Variants in ADCY3 observed in about 807,000 individuals in gnomAD.
The protein encoded by ADCY3 is adenylate cyclase type 3.
A neutral mutation model predicts 119.4 loss-of-function variants in ADCY3; 70 were observed. The ratio of observed to expected loss-of-function variants is 0.59; its 90% CI spans 0.48 to 0.72. The LOEUF is 0.72. Among genes scored for constraint, ADCY3 ranks in the 30% least tolerant of loss-of-function variants. The pLI is 0.00. For synonymous variants in ADCY3, 672 were observed against 621.4 expected, an observed-to-expected ratio of 1.08 and a Z score of -1.21; for missense variants, 1,238 against 1,541.6, an observed-to-expected ratio of 0.80 and a Z score of 3.30.
intron 2 of ADCY3, among the ~76,000 whole-genome samples, chr2:24,875,364 C>A (rs1330815748): frequency 2.0e-5 from 3 of 152,244 alleles, no homozygotes; most frequent in Admixed American, 2.0e-4. Context: ...CACCCCACCC[C>A]CCGTGGGTGT....
chr2:24,841,155 C>T lies in ADCY3; in HGVS notation c.1196+104G>A. 5 of 1,302,988 alleles carry T rather than the reference C, an allele frequency of 3.8e-6. No individual in the cohort carries two copies. Among genetic ancestry groups the T allele is most frequent in the Non-Finnish European group, 5.1e-6 (5 of 977,756 alleles). 80.7% of individuals were successfully genotyped at this position (1,302,988 alleles called of 1,614,324 possible). The stretch of plus-strand genomic sequence containing the variant: ...GTCCCAGTCTCTGCTTCCAGCAGAT[C>T]CCCCACCCAGGGGCCATGGCCAGCG... On this transcript the variant is annotated intron_variant, in intron 6 of 21. Transcript: ENST00000679454. The surrounding 1 kb of genome is among the most constrained non-coding windows in gnomAD (Gnocchi z 5.8).
chr2:24,893,031 C>CTTTT (rs755410434), intron 2 of ADCY3, among the ~76,000 whole-genome samples: 2 of 122,896 alleles, frequency 1.6e-5, no homozygotes, highest in Non-Finnish European at 3.4e-5. Context: ...ATCTATGTGT[C>CTTTT]TTTTTTTTTT....
At position 24,842,166 on chromosome 2, in the gene ADCY3, G is replaced by A. The variant is rs1014158651; in HGVS notation, c.956+88C>T. On this transcript the variant is annotated intron_variant, in intron 4 of 21. Transcript: ENST00000679454. This position sits in a 1 kb window ranked among gnomAD's most constrained non-coding sequence, Gnocchi z 4.9. ...GCTTCTAGTCCCTGGAAAACCTCTT[G>A]AAGCCCACAGCACCTAGCGGGTCCC... 7.6e-6 allele frequency: 12 copies of A among 1,578,898 alleles called. No individual in the cohort carries two copies. Among genetic ancestry groups the A allele is most frequent in the South Asian group, 6.8e-5 (6 of 88,394 alleles).
chr2:24,843,774 A>G (rs1671335289), intron 3 of ADCY3, among the ~76,000 whole-genome samples: 1 of 152,230 alleles, frequency 6.6e-6, no homozygotes, highest in South Asian at 2.1e-4. Flanking sequence ...CAGGAGAGGC[A>G]GTGGGCTGAA....
Position 24,834,417 on chromosome 2 carries a change from GCCCCC to G in ADCY3, c.1967+63_1967+67del. ...ATGTCAGGCTCCCGCTGAGACACCT[GCCCCC>G]GCCCCCCGCCCGGCACCACCGCAGC... On this transcript the variant is annotated intron_variant, in intron 11 of 21. Transcript: ENST00000679454. The surrounding 1 kb of genome is among the most constrained non-coding windows in gnomAD (Gnocchi z 4.2). The G allele has an allele frequency of 1.4e-6, 2 of 1,395,354 alleles. No individual in the cohort carries two copies. The highest frequency in any genetic ancestry group is 1.9e-6 in the Non-Finnish European group (2 of 1,029,076). The allele number at this position is 1,395,354 out of a possible 1,614,324, so 86.4% of individuals were successfully genotyped here. A position where few individuals can be genotyped will look rare whatever the true frequency, so the allele number is the denominator to read the frequency against.
intron 3 of ADCY3, among the ~76,000 whole-genome samples, chr2:24,870,169 A>T (rs556988362): frequency 4.6e-4 from 69 of 151,356 alleles, no homozygotes; most frequent in African/African-American, 1.6e-3. Context: ...AAAAAAAAAA[A>T]AATTAGCCAG....
chr2:24,828,553 G>A (rs1467671352), intron 13 of ADCY3, among the ~76,000 whole-genome samples: 2 of 152,158 alleles, frequency 1.3e-5, no homozygotes. Context: ...GGGACCATGA[G>A]CCCCACTCAC....
At chr2:24,861,828 G>A (rs990472114) in intron 3 of ADCY3, among the ~76,000 whole-genome samples, 15 of 152,324 alleles carry the variant, frequency 9.8e-5, no homozygotes, top group African/African-American at 3.1e-4. Flanking sequence ...GACTTCAGCC[G>A]GTGCCTCCCC....
intron 2 of ADCY3, among the ~76,000 whole-genome samples, chr2:24,884,637 C>A (rs1218138562): frequency 6.6e-6 from 1 of 152,002 alleles, no homozygotes; most frequent in Admixed American, 6.5e-5. Context: ...CCACCACGCC[C>A]GGCTAATTTT....
chr2:24,895,130 C>T (rs1678104246), intron 2 of ADCY3, among the ~76,000 whole-genome samples: 3 of 151,940 alleles, frequency 2.0e-5, no homozygotes, highest in African/African-American at 4.8e-5. Flanking sequence ...CTTGCTCTGT[C>T]GCCAGGCTGG....
At chr2:24,821,035 G>C (rs959778052) in intron 20 of ADCY3, 187 bp from the exon 21 acceptor site, 11 of 813,106 alleles carry the variant, frequency 1.4e-5, no homozygotes, top group Middle Eastern at 7.2e-4. Flanking sequence ...TGCTTGTTAG[G>C]TGTCAGCCGC....
intron 19 of ADCY3, chr2:24,822,031 A>C: frequency 4.7e-6 from 1 of 210,872 alleles, no homozygotes; most frequent in Non-Finnish European, 9.5e-6. Context: ...CATCCATATA[A>C]TAGGGCCGTG....
chr2:24,831,322 G>A (rs927407152), intron 12 of ADCY3, among the ~76,000 whole-genome samples: 2 of 151,658 alleles, frequency 1.3e-5, no homozygotes, highest in African/African-American at 4.8e-5. Flanking sequence ...TTCACCATCG[G>A]GGCCAACCCA....
rs58836654 is a variant in ADCY3 at position 24,901,427 on chromosome 2, T to TA, written c.675+16885dup. ...GATGTGAAAGAAAGCGCGTTGTTTC[T>TA]AAAAAAAGTAAAGTGAGTATTTTGA... On this transcript the variant is annotated intron_variant, in intron 2 of 21. Transcript: ENST00000679454. Among the ~76,000 whole-genome samples, 691 of 152,278 alleles carry TA rather than the reference T, an allele frequency of 4.5e-3. 3 individuals are homozygous for TA. Among genetic ancestry groups the TA allele is most frequent in the African/African-American group, 0.015 (623 of 41,554 alleles).
intron 16 of ADCY3, chr2:24,825,726 G>C: frequency 2.9e-6 from 1 of 342,738 alleles, no homozygotes; most frequent in Non-Finnish European, 5.4e-6. Flanking sequence ...GGAGTGCGGG[G>C]GCCATGAGCC....
chr2:24,819,435 A>G lies in ADCY3; in HGVS notation c.*497T>C, dbSNP rs916118210. 2.6e-5 allele frequency: 4 copies of G among 153,116 alleles called. No individual in the cohort carries two copies. Among genetic ancestry groups the G allele is most frequent in the African/African-American group, 7.2e-5 (3 of 41,486 alleles). The allele number at this position is 153,116 out of a possible 1,614,324, so 9.5% of individuals were successfully genotyped here. On this transcript the variant is annotated 3_prime_UTR_variant, in exon 22 of 22. Coordinates refer to ENST00000679454, the MANE Select transcript of ADCY3 (RefSeq NM_004036.5). ...TGACTAAGGGGACAGGAGTTCCAGA[A>G]GAACCTTTCAAGATGATCAGGAACA...
In ADCY3 at chr2:24,823,369, C is replaced by T. The variant is rs368676965; in HGVS notation, c.2737-14G>A. ...GCTATACAGCTCCTAAAAAGAGGTG[C>T]GGACAACGTGCTCAAAGCATGTCCG... is the stretch of plus-strand genomic sequence containing the variant. On this transcript the variant is annotated splice_polypyrimidine_tract_variant and intron_variant, in intron 17 of 21. Coordinates refer to ENST00000679454, the MANE Select transcript of ADCY3 (RefSeq NM_004036.5). 63 of 1,608,548 alleles carry T rather than the reference C, an allele frequency of 3.9e-5. No individual in the cohort carries two copies. The highest frequency in any genetic ancestry group is 6.7e-5 in the South Asian group (6 of 90,030).
rs1415613777 is a variant in ADCY3 at position 24,908,449 on chromosome 2, A to G, written c.675+9864T>C. Among the ~76,000 whole-genome samples, 5 of 152,284 alleles carry G rather than the reference A, an allele frequency of 3.3e-5. No individual in the cohort carries two copies. In the East Asian group the frequency reaches 9.6e-4, roughly 29 times the overall value. On this transcript the variant is annotated intron_variant, in intron 2 of 21. Transcript: ENST00000679454. ...TAACAATAATCCTTTCACAATGAAG[A>G]AAAAGAGCTAGTTGATTACGCAGAA...
At chr2:24,882,179 C>G (rs1455497149) in intron 2 of ADCY3, among the ~76,000 whole-genome samples, 1 of 152,178 alleles carries the variant, frequency 6.6e-6, no homozygotes, top group East Asian at 1.9e-4. Flanking sequence ...ACAGCCTGAT[C>G]AATGCACCCA....
Sources: gnomAD v4.1 joint callset for allele counts (sites outside exome capture counted in the v4.1 genomes callset) on GRCh38, gnomAD v4.1.1 for gene constraint, Gnocchi (gnomAD v3.1) non-coding constraint, MANE v1.5 for transcripts, NCBI Gene and HGNC (gene_info 2026-07-23, HGNC 2026-07-21) for gene names.